USP9X: variants seen among roughly 807,000 people sequenced by gnomAD.
USP9X encodes the protein ubiquitin carboxyl-terminal hydrolase 9X.
Under a neutral mutation model 190.3 loss-of-function variants are expected in USP9X, and 7 were observed. That is an observed-to-expected ratio of 0.04 (90% CI 0.02 to 0.07). The LOEUF is 0.07. Ranked by LOEUF, USP9X falls within the 10% of genes least tolerant of loss-of-function variation. The probability of loss-of-function intolerance (pLI) is 1.00; values close to 1 mark genes in which losing one functional copy is unlikely to be tolerated. For missense variants in USP9X, 1,010 were observed against 1,916.9 expected, an observed-to-expected ratio of 0.53 and a Z score of 8.83; for synonymous variants, 645 against 659.5, an observed-to-expected ratio of 0.98 and a Z score of 0.34.
At chrX:41,185,759 C>A (rs1144688) in intron 23 of USP9X, among the ~76,000 whole-genome samples, 9,432 of 109,737 alleles carry the variant, frequency 0.086, 380 homozygotes, top group Non-Finnish European at 0.12. Context: ...TAATGAAGTA[C>A]ACAGAAAACA....
chrX:41,199,998 A>G (rs1010373733), intron 30 of USP9X, among the ~76,000 whole-genome samples: 1 of 112,044 alleles, frequency 8.9e-6, no homozygotes, highest in African/African-American at 3.2e-5. Flanking sequence ...AGAAATAAGC[A>G]TAATTGATGC....
chrX:41,106,222 G>A (rs2062067707), intron 1 of USP9X, among the ~76,000 whole-genome samples: 1 of 111,346 alleles, frequency 9.0e-6, no homozygotes, highest in Non-Finnish European at 1.9e-5. Flanking sequence ...AGGTCATTAA[G>A]ATTTACCCTC....
At chrX:41,135,084 G>C (rs2062359799) in intron 5 of USP9X, among the ~76,000 whole-genome samples, 1 of 111,780 alleles carries the variant, frequency 8.9e-6, no homozygotes, top group African/African-American at 3.3e-5. Context: ...AAGTGTCTGT[G>C]ACCTTAGGCA....
rs765444362 is a variant in USP9X, at chrX:41,229,422, T to A, written c.7218+13T>A. On this transcript the variant is annotated intron_variant, in intron 42 of 44. Coordinates refer to ENST00000378308, the MANE Select transcript of USP9X (RefSeq NM_001039591.3). The stretch of plus-strand genomic sequence containing the variant: ...CCAAATCCTGCAGGTGAGGATTTTT[T>A]TCTTATAATTTTGTAGAAATCTTAA... The A allele has an allele frequency of 1.7e-6, 2 of 1,155,458 alleles. No individual in the cohort carries two copies. Among genetic ancestry groups the A allele is most frequent in the African/African-American group, 3.7e-5 (2 of 54,691 alleles).
At chrX:41,221,261 T>TA (rs1342205991) in intron 38 of USP9X, among the ~76,000 whole-genome samples, 1 of 111,313 alleles carries the variant, frequency 9.0e-6, no homozygotes, top group Admixed American at 9.6e-5. Context: ...GACTCCATCT[T>TA]AAAAAAAATT....
chrX:41,122,030 A>C (rs968609236), intron 1 of USP9X, among the ~76,000 whole-genome samples: 6 of 110,648 alleles, frequency 5.4e-5, no homozygotes, highest in African/African-American at 2.0e-4. Flanking sequence ...TCATCTGACA[A>C]ATTCAGTTGT....
intron 1 of USP9X, among the ~76,000 whole-genome samples, chrX:41,115,230 A>G (rs868022204): frequency 5.7e-5 from 4 of 70,701 alleles, no homozygotes; most frequent in East Asian, 5.3e-4. Context: ...CCAAAAAAAA[A>G]AAAAAGAAAA....
chrX:41,133,339 CTT>C (rs1474599856), intron 4 of USP9X, among the ~76,000 whole-genome samples: 1 of 111,036 alleles, frequency 9.0e-6, no homozygotes, highest in South Asian at 3.7e-4. Context: ...AAGAAAATAT[CTT>C]TTTTTATTTT....
intron 1 of USP9X, among the ~76,000 whole-genome samples, chrX:41,111,774 T>G (rs749987926): frequency 1.6e-4 from 18 of 110,985 alleles, no homozygotes; most frequent in African/African-American, 5.6e-4. Flanking sequence ...AAGATGAGGC[T>G]GGAATTGGGT....
At chrX:41,203,187 G>T (rs1184412247) in intron 31 of USP9X, among the ~76,000 whole-genome samples, 2 of 111,790 alleles carry the variant, frequency 1.8e-5, no homozygotes, top group Non-Finnish European at 3.8e-5. Context: ...TTTTAAAATT[G>T]TGGTAAAATA....
intron 41 of USP9X, among the ~76,000 whole-genome samples, chrX:41,227,556 T>C (rs1032705384): frequency 8.9e-6 from 1 of 112,317 alleles, no homozygotes; most frequent in Non-Finnish European, 1.9e-5. Flanking sequence ...ATAGTGTATA[T>C]TAGAATCTTT....
intron 38 of USP9X, 106 bp downstream of exon 38, chrX:41,219,337 T>C: frequency 1.2e-6 from 1 of 860,719 alleles, no homozygotes; most frequent in South Asian, 2.7e-5. Context: ...TAGAAACAAT[T>C]TCCCATAAAA....
chrX:41,104,128 G>A (rs1229401721), intron 1 of USP9X, among the ~76,000 whole-genome samples: 1 of 111,775 alleles, frequency 8.9e-6, no homozygotes, highest in Non-Finnish European at 1.9e-5. Flanking sequence ...GTGCAGTGGC[G>A]TGATCATGGC....
intron 1 of USP9X, among the ~76,000 whole-genome samples, chrX:41,123,041 C>T (rs188731048): frequency 6.3e-4 from 70 of 111,291 alleles, no homozygotes; most frequent in East Asian, 2.3e-3. Context: ...AACACTTGGG[C>T]GTGAAAACAG....
intron 20 of USP9X, among the ~76,000 whole-genome samples, chrX:41,171,023 T>G (rs1031120327): frequency 1.8e-5 from 2 of 111,653 alleles, no homozygotes; most frequent in Non-Finnish European, 3.8e-5. Flanking sequence ...TATACTTGGG[T>G]TTTGCTTGCT....
At chrX:41,172,563 A>C (rs1009088814) in intron 21 of USP9X, among the ~76,000 whole-genome samples, 1 of 111,532 alleles carries the variant, frequency 9.0e-6, no homozygotes, top group African/African-American at 3.3e-5. Flanking sequence ...TGAAAACTTA[A>C]CTGTTACATA....
chrX:41,104,862 A>C lies in USP9X; in HGVS notation c.-158-18609A>C, dbSNP rs770918872. Among the ~76,000 whole-genome samples the C allele has an allele frequency of 2.7e-5, 3 of 111,726 alleles. No individual in the cohort carries two copies. The East Asian group carries it at 8.3e-4, about 31-fold the overall frequency. On this transcript the variant is annotated intron_variant, in intron 1 of 44. Transcript: ENST00000378308. ...CTGTCTGCTATGTTGCAGTATATGC[A>C]TTGTTGAAAACCTCATAGTCTGCAA...
intron 24 of USP9X, among the ~76,000 whole-genome samples, chrX:41,186,910 T>A (rs191419193): frequency 2.2e-3 from 241 of 108,726 alleles, no homozygotes; most frequent in African/African-American, 7.5e-3. Flanking sequence ...CACTGCAACC[T>A]CCACCTCCCA....
At chrX:41,134,907 G>GC in intron 5 of USP9X, 70 bp downstream of exon 5, 1 of 810,456 alleles carries the variant, frequency 1.2e-6, no homozygotes, top group Non-Finnish European at 1.8e-6. Context: ...AGAGGTATAT[G>GC]TGTGTGTGGC....
Sources: allele counts gnomAD v4.1 joint callset (sites outside exome capture counted in the v4.1 genomes callset), GRCh38; gene constraint gnomAD v4.1.1; transcripts MANE v1.5; gene names NCBI Gene and HGNC (gene_info 2026-07-23, HGNC 2026-07-21).